The following BRI3BP variants were observed in gnomAD, a reference collection of about 807,000 sequenced individuals.
The protein encoded by BRI3BP is BRI3 binding protein, also known as BRI3-binding protein.
BRI3BP carries 7 observed loss-of-function variants against 15.8 expected under a neutral mutation model. The observed-to-expected ratio is 0.44, with a 90% CI of 0.25 to 0.83. The LOEUF is 0.83. Ranked by LOEUF, BRI3BP falls within the 40% of genes least tolerant of loss-of-function variation. BRI3BP has a pLI of 0.20. For missense variants in BRI3BP, 320 were observed against 339.3 expected (o/e 0.94, Z 0.45); for synonymous variants, 192 against 163.5 (o/e 1.17, Z -1.33).
chr12:125,001,042 T>G (rs1215420945), intron 1 of BRI3BP, among the ~76,000 whole-genome samples: 1 of 152,074 alleles, frequency 6.6e-6, no homozygotes, highest in Non-Finnish European at 1.5e-5. Context: ...GGGACTTAAT[T>G]ATGAATTTTT....
intron 1 of BRI3BP, among the ~76,000 whole-genome samples, chr12:124,995,001 A>G (rs1955028766): frequency 6.6e-6 from 1 of 152,128 alleles, no homozygotes; most frequent in African/African-American, 2.4e-5. Flanking sequence ...ACTAGTTGGT[A>G]CCTTCCTGGC....
chr12:125,025,305 G>GGCCCCAGCA lies in BRI3BP; in HGVS notation c.632_640dup (p.Ser213_Asn214insSerProSer). The GGCCCCAGCA allele has an allele frequency of 6.2e-7, 1 of 1,605,718 alleles. No individual in the cohort carries two copies. Among genetic ancestry groups the GGCCCCAGCA allele is most frequent in the Non-Finnish European group, 8.5e-7 (1 of 1,173,350 alleles). The stretch of plus-strand genomic sequence containing the variant: ...CTTCTACTGGCGAAGCAGTCCCAGC[G>GGCCCCAGCA]GCCCCAGCAACCCCAGCAACCCCAG... On this transcript the variant is annotated inframe_insertion, in exon 3 of 3. Coordinates refer to ENST00000341446, the MANE Select transcript of BRI3BP (RefSeq NM_080626.6).
At chr12:125,034,298 G>C (rs1292943615), downstream of BRI3BP, among the ~76,000 whole-genome samples, 1 of 151,856 alleles carries the variant, frequency 6.6e-6, no homozygotes, top group African/African-American at 2.4e-5. Context: ...TGCCCGCCTC[G>C]GCCTCCCAAA....
intron 2 of BRI3BP, among the ~76,000 whole-genome samples, chr12:125,017,015 TA>T (rs1468521090): frequency 2.0e-5 from 3 of 148,292 alleles, no homozygotes; most frequent in Admixed American, 7.1e-5. Flanking sequence ...TTTGTATTAT[TA>T]TTATTATTTT....
chr12:125,017,080 G>A (rs1359383751), intron 2 of BRI3BP, among the ~76,000 whole-genome samples: 1 of 150,136 alleles, frequency 6.7e-6, no homozygotes, highest in African/African-American at 2.5e-5. Flanking sequence ...TGCAGTGGCC[G>A]ATCTCATCTC....
chr12:125,037,524 G>T, the BRI3BP span, among the ~76,000 whole-genome samples: 2,154 of 152,190 alleles, frequency 0.014, 44 homozygotes, highest in African/African-American at 0.05. Flanking sequence ...AGAAACTGGT[G>T]CGTGTGGCCA....
At chr12:125,014,176 T>A (rs1955220350) in intron 2 of BRI3BP, among the ~76,000 whole-genome samples, 1 of 152,002 alleles carries the variant, frequency 6.6e-6, no homozygotes, top group Non-Finnish European at 1.5e-5. Flanking sequence ...TAAACAGGGA[T>A]CTCCTAGCTG....
In BRI3BP at chr12:125,025,650, T is replaced by TG. The variant is rs1955347873; in HGVS notation, c.*225dup. The TG allele has an allele frequency of 3.8e-6, 2 of 528,172 alleles. No individual in the cohort carries two copies. Among genetic ancestry groups the TG allele is most frequent in the African/African-American group, 1.9e-5 (1 of 52,860 alleles). 32.7% of individuals were successfully genotyped at this position (528,172 alleles called of 1,614,324 possible). On this transcript the variant is annotated 3_prime_UTR_variant, in exon 3 of 3. Coordinates refer to ENST00000341446, the MANE Select transcript of BRI3BP (RefSeq NM_080626.6). ...GGAACTACACACGAAGTGTAATTAG[T>TG]GGGGGAAAAAATATTTTTTAAACAA...
At chr12:124,996,448 T>C (rs544287214) in intron 1 of BRI3BP, among the ~76,000 whole-genome samples, 28 of 151,422 alleles carry the variant, frequency 1.8e-4, no homozygotes, top group Middle Eastern at 3.4e-3. Context: ...GGATTACAAG[T>C]GAGTAGCCGG....
chr12:125,022,547 T>TTTTTTTTTTTTTTTTTA (rs1955309594), intron 2 of BRI3BP, among the ~76,000 whole-genome samples: 2 of 151,690 alleles, frequency 1.3e-5, no homozygotes, highest in South Asian at 2.1e-4. Flanking sequence ...ATTTATTTTT[T>TTTTTTTTTTTTTTTTTA]GAGACAGAGC....
chr12:125,024,848 T>A lies in BRI3BP; in HGVS notation c.317-143T>A, dbSNP rs1302683387. ...TCCTCATGGAGCAAAGTGTGACTAT[T>A]CACAGAGGAACTTCCTTGAGTTCCT... On this transcript the variant is annotated intron_variant, in intron 2 of 2. Transcript: ENST00000341446. 1.4e-5 allele frequency: 10 copies of A among 696,040 alleles called. No homozygotes were observed. The African/African-American group carries it at 1.6e-4, about 11-fold the overall frequency. 43.1% of individuals were successfully genotyped at this position (696,040 alleles called of 1,614,324 possible). A position where few individuals can be genotyped will look rare whatever the true frequency, so the allele number is the denominator to read the frequency against.
rs1468433524 is a variant in BRI3BP, at chr12:125,030,004, C to T, written c.*4574C>T. ...AGAGGATGTGAGCAGCTTAGTCGCT[C>T]ATCTGGCCCTGTGATTCAGGCTTAT... On this transcript the variant is annotated 3_prime_UTR_variant, in exon 3 of 3. Coordinates refer to ENST00000341446, the MANE Select transcript of BRI3BP (RefSeq NM_080626.6). 4.6e-5 allele frequency: 7 copies of T among 152,262 alleles called. No homozygotes were observed. The highest frequency in any genetic ancestry group is 2.4e-5 in the African/African-American group (1 of 41,464). 9.4% of individuals were successfully genotyped at this position (152,262 alleles called of 1,614,324 possible). A position where few individuals can be genotyped will look rare whatever the true frequency, so the allele number is the denominator to read the frequency against.
intron 2 of BRI3BP, among the ~76,000 whole-genome samples, chr12:125,020,861 C>G (rs1230063678): frequency 6.7e-6 from 1 of 149,866 alleles, no homozygotes; most frequent in African/African-American, 2.5e-5. Context: ...GCCTGGGCTA[C>G]AGAGCAAGAC....
chr12:125,044,096 C>T, the BRI3BP span, among the ~76,000 whole-genome samples: 1 of 150,966 alleles, frequency 6.6e-6, no homozygotes, highest in Non-Finnish European at 1.5e-5. Context: ...CACAAATTGA[C>T]GATGTTGGGA....
chr12:125,012,969 A>T (rs1955209794), intron 2 of BRI3BP, among the ~76,000 whole-genome samples: 1 of 152,094 alleles, frequency 6.6e-6, no homozygotes, highest in Admixed American at 6.6e-5. Context: ...TGTAGTCCCC[A>T]TCCACTTGGG....
Position 125,030,422 on chromosome 12 carries a change from T to C in BRI3BP, c.*4992T>C, listed in dbSNP as rs1267020917. The C allele has an allele frequency of 6.6e-6, 1 of 152,228 alleles. No homozygotes were observed. The highest frequency in any genetic ancestry group is 1.5e-5 in the Non-Finnish European group (1 of 68,040). 9.4% of individuals were successfully genotyped at this position (152,228 alleles called of 1,614,324 possible). The stretch of plus-strand genomic sequence containing the variant: ...ATATATTTTGCAGAATCTAACATAA[T>C]ACCCTTAAAATTCATACTGGACAAC... On this transcript the variant is annotated 3_prime_UTR_variant, in exon 3 of 3. Coordinates refer to ENST00000341446, the MANE Select transcript of BRI3BP (RefSeq NM_080626.6).
At chr12:125,036,195 G>A (rs1955439210), downstream of BRI3BP, among the ~76,000 whole-genome samples, 1 of 152,258 alleles carries the variant, frequency 6.6e-6, no homozygotes, top group South Asian at 2.1e-4. Context: ...CTCCTGGGTA[G>A]CTGGGATTAC....
the BRI3BP span, among the ~76,000 whole-genome samples, chr12:125,041,458 A>G: frequency 6.6e-6 from 1 of 152,206 alleles, no homozygotes; most frequent in Non-Finnish European, 1.5e-5. Context: ...ATGGATAGAT[A>G]TAACCCACAG....
At chr12:125,049,792 A>G in the BRI3BP span, among the ~76,000 whole-genome samples, 1 of 152,062 alleles carries the variant, frequency 6.6e-6, no homozygotes, top group Non-Finnish European at 1.5e-5. Flanking sequence ...CTGCCAGCCA[A>G]TCAGCGCTCG....
Sources: gnomAD v4.1 joint callset for allele counts (sites outside exome capture counted in the v4.1 genomes callset) on GRCh38, gnomAD v4.1.1 for gene constraint, MANE v1.5 for transcripts, NCBI Gene and HGNC (gene_info 2026-07-23, HGNC 2026-07-21) for gene names.